KCNH1: variants seen among roughly 807,000 people sequenced by gnomAD.
The protein encoded by KCNH1 is voltage-gated delayed rectifier potassium channel KCNH1.
A neutral mutation model predicts 69.2 loss-of-function variants in KCNH1; 27 were observed. The observed-to-expected ratio is 0.39, with a 90% CI of 0.29 to 0.54. KCNH1 has a LOEUF of 0.54. Ranked by LOEUF, KCNH1 falls within the 20% of genes least tolerant of loss-of-function variation. The pLI is 0.68. For missense variants in KCNH1, 798 were observed against 1,261.6 expected (o/e 0.63, Z 5.57); for synonymous variants, 456 against 487.7 (o/e 0.93, Z 0.86).
At chr1:210,864,046 A>G (rs1409717185) in intron 7 of KCNH1, among the ~76,000 whole-genome samples, 1 of 152,244 alleles carries the variant, frequency 6.6e-6, no homozygotes, top group Non-Finnish European at 1.5e-5. Context: ...CATTCCAGAC[A>G]GCCTCATGAG....
chr1:210,781,236 G>A (rs1337283576), intron 9 of KCNH1, among the ~76,000 whole-genome samples: 1 of 152,162 alleles, frequency 6.6e-6, no homozygotes, highest in Non-Finnish European at 1.5e-5. Flanking sequence ...CACTGAGAGT[G>A]AGAAACATCA....
intron 9 of KCNH1, among the ~76,000 whole-genome samples, chr1:210,788,225 C>G (rs1226609685): frequency 6.6e-6 from 1 of 152,158 alleles, no homozygotes; most frequent in East Asian, 1.9e-4. Context: ...AATAAGTCTA[C>G]TGTCCAGAAA....
intron 4 of KCNH1, among the ~76,000 whole-genome samples, chr1:211,086,511 G>T (rs750593548): frequency 6.6e-6 from 1 of 152,188 alleles, no homozygotes; most frequent in Non-Finnish European, 1.5e-5. Context: ...AATGAGAGGG[G>T]AAGTGGGCAG....
rs964558961 is a variant in KCNH1 at position 210,678,401 on chromosome 1, G to A, written c.*4880C>T. 5.3e-5 allele frequency: 8 copies of A among 151,916 alleles called. No homozygotes were observed. Among genetic ancestry groups the A allele is most frequent in the African/African-American group, 1.5e-4 (6 of 41,360 alleles). The allele number at this position is 151,916 out of a possible 1,614,324, so 9.4% of individuals were successfully genotyped here. ...GTGCTTGTTTAAAAATGTTGAGAAGGGAATATCATCAATGGAAGGGCCTGC... is the reference window on the plus strand; with the variant it reads ...GTGCTTGTTTAAAAATGTTGAGAAGAGAATATCATCAATGGAAGGGCCTGC... On this transcript the variant is annotated 3_prime_UTR_variant, in exon 11 of 11. Coordinates refer to ENST00000271751, the MANE Select transcript of KCNH1 (RefSeq NM_172362.3).
chr1:210,768,611 C>G (rs1424291678), intron 10 of KCNH1, among the ~76,000 whole-genome samples: 1 of 152,212 alleles, frequency 6.6e-6, no homozygotes, highest in African/African-American at 2.4e-5. Flanking sequence ...CGGAAGACCA[C>G]AAGGTATACT....
At chr1:210,861,608 G>A (rs1685979850) in intron 7 of KCNH1, 1 of 771,362 alleles carries the variant, frequency 1.3e-6, no homozygotes, top group Admixed American at 1.7e-5. Context: ...CAGTTCCAGT[G>A]GTATAGAGTA....
intron 2 of KCNH1, among the ~76,000 whole-genome samples, chr1:211,106,767 T>G: frequency 6.6e-6 from 1 of 152,068 alleles, no homozygotes; most frequent in South Asian, 2.1e-4. Context: ...TGTACTCCAG[T>G]CTGGGTGACA....
chr1:211,073,670 G>T (rs746590631), intron 5 of KCNH1, among the ~76,000 whole-genome samples: 1 of 151,980 alleles, frequency 6.6e-6, no homozygotes, highest in Non-Finnish European at 1.5e-5. Context: ...TTAACTAAAT[G>T]AAAAAGAGAA....
rs190436787 is a variant in KCNH1 at position 210,810,661 on chromosome 1, T to C, written c.1463-6495A>G. 2.9e-4 allele frequency among the ~76,000 whole-genome samples: 44 copies of C among 152,350 alleles called. No homozygotes were observed. The East Asian group carries it at 4.0e-3, about 14-fold the overall frequency. Reference sequence around the variant, plus strand: ...TTTAATTTCCATGAGATTTTTTTCATTGTCTGAATGTTCCTTTTTAATTGC... The same window carrying C: ...TTTAATTTCCATGAGATTTTTTTCACTGTCTGAATGTTCCTTTTTAATTGC... On this transcript the variant is annotated intron_variant, in intron 7 of 10. Transcript: ENST00000271751.
At chr1:210,691,561 C>T (rs2149005348) in intron 10 of KCNH1, among the ~76,000 whole-genome samples, 1 of 152,254 alleles carries the variant, frequency 6.6e-6, no homozygotes, top group East Asian at 1.9e-4. Flanking sequence ...AGGGAAAATG[C>T]CTTGGGTTTT....
chr1:210,835,153 T>G (rs1399003259), intron 7 of KCNH1, among the ~76,000 whole-genome samples: 1 of 152,194 alleles, frequency 6.6e-6, no homozygotes, highest in East Asian at 1.9e-4. Context: ...AAATCCTTTC[T>G]GTGTATGTTC....
intron 10 of KCNH1, among the ~76,000 whole-genome samples, chr1:210,694,271 C>T (rs1681589254): frequency 1.3e-5 from 2 of 152,248 alleles, no homozygotes; most frequent in South Asian, 4.2e-4. Context: ...CACACACGCT[C>T]AGCAAACAAG....
chr1:210,971,390 G>A (rs1000199910), intron 6 of KCNH1, among the ~76,000 whole-genome samples: 2 of 152,114 alleles, frequency 1.3e-5, no homozygotes, highest in African/African-American at 4.8e-5. Context: ...GAAAGCAATT[G>A]TTAAATTTTC....
chr1:210,808,235 T>A (rs1684627790), intron 7 of KCNH1, among the ~76,000 whole-genome samples: 1 of 152,120 alleles, frequency 6.6e-6, no homozygotes, highest in South Asian at 2.1e-4. Flanking sequence ...AGGAAAAGAG[T>A]AGATGTGCCT....
At chr1:210,786,129 A>T (rs1478563215) in intron 9 of KCNH1, among the ~76,000 whole-genome samples, 1 of 152,050 alleles carries the variant, frequency 6.6e-6, no homozygotes, top group East Asian at 1.9e-4. Flanking sequence ...GGCTACTTTA[A>T]TCTTGCTCCT....
chr1:210,946,377 C>T (rs7526080), intron 6 of KCNH1, among the ~76,000 whole-genome samples: 3,890 of 152,198 alleles, frequency 0.026, 73 homozygotes, highest in Non-Finnish European at 0.036. Flanking sequence ...TTGGTGAAAG[C>T]CTGGAGGCAA....
intron 10 of KCNH1, among the ~76,000 whole-genome samples, chr1:210,751,557 C>T (rs1464836654): frequency 5.3e-5 from 8 of 152,048 alleles, no homozygotes; most frequent in Admixed American, 3.3e-4. Context: ...CAGTTCCAGG[C>T]AAAGTGAGAC....
At chr1:210,732,751 C>T (rs923385498) in intron 10 of KCNH1, among the ~76,000 whole-genome samples, 2 of 152,226 alleles carry the variant, frequency 1.3e-5, no homozygotes, top group African/African-American at 4.8e-5. Context: ...CAGCACGTTC[C>T]TCACAATGTA....
intron 10 of KCNH1, among the ~76,000 whole-genome samples, chr1:210,751,277 C>T (rs1447066130): frequency 6.6e-6 from 1 of 152,152 alleles, no homozygotes; most frequent in East Asian, 1.9e-4. Flanking sequence ...TCAGAAATCA[C>T]ATTGATGAGG....
Sources: gnomAD v4.1 joint callset for allele counts (sites outside exome capture counted in the v4.1 genomes callset) on GRCh38, gnomAD v4.1.1 for gene constraint, MANE v1.5 for transcripts, NCBI Gene and HGNC (gene_info 2026-07-23, HGNC 2026-07-21) for gene names.